The following CDKL1 variants were observed in gnomAD, a reference collection of about 807,000 sequenced individuals.
CDKL1 encodes cyclin dependent kinase like 1.
A neutral mutation model predicts 42.0 loss-of-function variants in CDKL1; 41 were observed. The observed-to-expected ratio is 0.98, with a 90% confidence interval of 0.76 to 1.27. The LOEUF (loss-of-function observed/expected upper bound fraction) is 1.27. CDKL1 is among the 50% of genes most tolerant of loss of function. The probability of loss-of-function intolerance (pLI) is 0.00; values close to 1 mark genes in which losing one functional copy is unlikely to be tolerated. For synonymous variants in CDKL1, 153 were observed against 158.6 expected, an observed-to-expected ratio of 0.96 and a Z score of 0.26; for missense variants, 394 against 428.4, an observed-to-expected ratio of 0.92 and a Z score of 0.71.
intron 3 of CDKL1, among the ~76,000 whole-genome samples, chr14:50,345,689 T>C (rs1356629090): frequency 6.6e-6 from 1 of 152,208 alleles, no homozygotes; most frequent in Non-Finnish European, 1.5e-5. Context: ...CATCGTAAAT[T>C]GTTATTAAAT....
At chr14:50,361,648 C>T (rs1051658780) in intron 2 of CDKL1, among the ~76,000 whole-genome samples, 15 of 152,364 alleles carry the variant, frequency 9.8e-5, no homozygotes, top group South Asian at 4.1e-4. Flanking sequence ...TAATCCCATT[C>T]ATGAGGGCTC....
rs1351942088 is a variant in CDKL1 at position 50,328,982 on chromosome 14, A to G, written c.*1092T>C. The G allele has an allele frequency of 6.7e-6, 1 of 149,604 alleles. No homozygotes were observed. Among genetic ancestry groups the G allele is most frequent in the East Asian group, 1.9e-4 (1 of 5,138 alleles). 9.3% of individuals were successfully genotyped at this position (149,604 alleles called of 1,614,324 possible). A position where few individuals can be genotyped will look rare whatever the true frequency, so the allele number is the denominator to read the frequency against. ...ATTTTAAGTCTCACTGTGCAAAGCT[A>G]TGAGTCCTCAATACTTTGGACTACT... is the stretch of plus-strand genomic sequence containing the variant. On this transcript the variant is annotated 3_prime_UTR_variant, in exon 10 of 10. Transcript: ENST00000395834.
At chr14:50,330,293 T>G (rs1280915864) in intron 9 of CDKL1, 112 bp from the exon 10 acceptor site, 3 of 1,339,734 alleles carry the variant, frequency 2.2e-6, no homozygotes, top group Non-Finnish European at 3.0e-6. Context: ...AAGTACTTTT[T>G]TTGCACACAA....
Position 50,343,251 on chromosome 14 carries a change from G to C in CDKL1, c.364-1029C>G, listed in dbSNP as rs373466514. Among the ~76,000 whole-genome samples, 4 of 148,342 alleles carry C rather than the reference G, an allele frequency of 2.7e-5. No individual in the cohort carries two copies. In the South Asian group the frequency reaches 8.5e-4, roughly 31 times the overall value. ...AGTGTTTTCCTCTTAGGAGGAGAAT[G>C]CTAGATCGTTTGCAACCTGAGAGAC... On this transcript the variant is annotated intron_variant, in intron 4 of 9. Transcript: ENST00000395834.
At chr14:50,370,595 G>A (rs555752442) in intron 2 of CDKL1, among the ~76,000 whole-genome samples, 6 of 152,180 alleles carry the variant, frequency 3.9e-5, no homozygotes, top group Non-Finnish European at 8.8e-5. Flanking sequence ...CTGAGACTGG[G>A]TAATTTATAG....
chr14:50,332,434 TA>T lies in CDKL1; in HGVS notation c.796-3del, dbSNP rs1180197138. 6.3e-7 allele frequency: 1 copy of T among 1,591,466 alleles called. No individual in the cohort carries two copies. Among genetic ancestry groups the T allele is most frequent in the Non-Finnish European group, 8.5e-7 (1 of 1,173,064 alleles). On this transcript the variant is annotated splice_region_variant and splice_polypyrimidine_tract_variant and intron_variant, in intron 8 of 9. Coordinates refer to ENST00000395834, the MANE Select transcript of CDKL1 (RefSeq NM_004196.7). ...AGTAGGGTCCATGTGGAGACAGCCC[TA>T]AAAGAACAGAAAATTCCTTCTTCTT...
At chr14:50,340,615 T>C (rs1226882164) in intron 6 of CDKL1, among the ~76,000 whole-genome samples, 2 of 152,170 alleles carry the variant, frequency 1.3e-5, no homozygotes, top group Non-Finnish European at 1.5e-5. Flanking sequence ...TCATTCTCCA[T>C]AGAGTCTGAA....
rs889708145 is a variant in CDKL1 at position 50,328,209 on chromosome 14, T to A, written c.*1865A>T. On this transcript the variant is annotated 3_prime_UTR_variant, in exon 10 of 10. Transcript: ENST00000395834. The stretch of plus-strand genomic sequence containing the variant: ...ATCTGCCTCCGTCAAGTGTATTTTC[T>A]TGGGTTAAGGAAAAAAAAATTTTTT... The A allele has an allele frequency of 6.6e-6, 1 of 152,200 alleles. No individual in the cohort carries two copies. The highest frequency in any genetic ancestry group is 6.5e-5 in the Admixed American group (1 of 15,276). The allele number at this position is 152,200 out of a possible 1,614,324, so 9.4% of individuals were successfully genotyped here.
chr14:50,382,604 T>A (rs1264380029), intron 2 of CDKL1, among the ~76,000 whole-genome samples: 1 of 151,396 alleles, frequency 6.6e-6, no homozygotes, highest in Non-Finnish European at 1.5e-5. Flanking sequence ...CTCTCTTTTT[T>A]TTTATTTTTG....
chr14:50,381,443 C>T (rs1454788744), intron 2 of CDKL1, among the ~76,000 whole-genome samples: 1 of 152,140 alleles, frequency 6.6e-6, no homozygotes, highest in Non-Finnish European at 1.5e-5. Context: ...GTGTTGCTGC[C>T]CTGTTACCTC....
Position 50,396,811 on chromosome 14 carries a change from G to T in CDKL1, c.-462+13C>A, listed in dbSNP as rs11570780. On this transcript the variant is annotated intron_variant, in intron 1 of 9. Coordinates refer to ENST00000395834, the MANE Select transcript of CDKL1 (RefSeq NM_004196.7). ...AGGGACGGCCCGCGCCTCCTTGCCC[G>T]CCCGGGACTCACGGCGCCGCGGCGG... 0.012 allele frequency: 1,931 copies of T among 167,640 alleles called. 47 individuals carry two copies. The highest frequency in any genetic ancestry group is 0.044 in the African/African-American group (1,817 of 41,656). 10.4% of individuals were successfully genotyped at this position (167,640 alleles called of 1,614,324 possible).
chr14:50,394,461 C>T (rs574914299), intron 2 of CDKL1, among the ~76,000 whole-genome samples: 40 of 152,244 alleles, frequency 2.6e-4, no homozygotes, highest in Non-Finnish European at 4.7e-4. Context: ...AAGCTTGCTA[C>T]TTTCCATTTA....
At chr14:50,340,485 C>T (rs1372541009) in intron 6 of CDKL1, among the ~76,000 whole-genome samples, 2 of 152,140 alleles carry the variant, frequency 1.3e-5, no homozygotes, top group African/African-American at 2.4e-5. Flanking sequence ...TCCCTTCTCC[C>T]CTGCCCTTCC....
chr14:50,355,979 G>T (rs144164951), intron 3 of CDKL1, among the ~76,000 whole-genome samples: 164 of 152,242 alleles, frequency 1.1e-3, no homozygotes, highest in Admixed American at 2.3e-3. Flanking sequence ...AGTAAGCTTT[G>T]GGGAGCTATT....
intron 8 of CDKL1, chr14:50,334,160 A>ATT (rs201938162): frequency 2.7e-5 from 4 of 148,196 alleles, no homozygotes; most frequent in African/African-American, 5.0e-5. Context: ...TCCAAGGAGA[A>ATT]TTTTTTTTTT....
chr14:50,332,892 A>G, intron 8 of CDKL1: 1 of 415,996 alleles, frequency 2.4e-6, no homozygotes, highest in Non-Finnish European at 4.2e-6. Flanking sequence ...TCACCCTTCT[A>G]AAATCAGCTA....
chr14:50,331,934 G>A, intron 9 of CDKL1: 1 of 1,153,820 alleles, frequency 8.7e-7, no homozygotes, highest in East Asian at 2.6e-5. Context: ...ACTGCATGGG[G>A]AAAATCTGAT....
chr14:50,395,824 A>G lies in CDKL1; in HGVS notation c.45T>C (p.Tyr15=), dbSNP rs756007156. 2.5e-5 allele frequency: 40 copies of G among 1,611,084 alleles called. No individual in the cohort carries two copies. The highest frequency in any genetic ancestry group is 3.1e-5 in the Non-Finnish European group (36 of 1,177,324). ...EKIGKIGEGS[Y]GVVFKCRNRD... ...TGTTTCTACATTTGAAAACAACTCC[A>G]TAGGATCCTTCTCCAATTTTCCCAA... Residue 15 remains tyrosine (Y), a synonymous_variant, in exon 2 of 10, where the codon TAT becomes TAC. Transcript: ENST00000395834.
At chr14:50,332,132 T>C (rs775635854) in intron 9 of CDKL1, 130 bp downstream of exon 9, 2 of 1,610,792 alleles carry the variant, frequency 1.2e-6, no homozygotes, top group African/African-American at 1.3e-5. Context: ...CCCTGGTTGA[T>C]AGATCCTATG....
Sources: allele counts gnomAD v4.1 joint callset (sites outside exome capture counted in the v4.1 genomes callset), GRCh38; gene constraint gnomAD v4.1.1; transcripts MANE v1.5; gene names NCBI Gene and HGNC (gene_info 2026-07-23, HGNC 2026-07-21).